Variants in TRANK1 observed in about 807,000 individuals in gnomAD.
TRANK1 encodes tetratricopeptide repeat and ankyrin repeat containing 1, also known as TPR and ankyrin repeat-containing protein 1.
In TRANK1, 198 loss-of-function variants were observed where a neutral mutation model predicts 266.0. The observed-to-expected ratio is 0.74, with a 90% confidence interval of 0.66 to 0.84. TRANK1 has a LOEUF of 0.84. TRANK1 is among the 40% of genes least tolerant of loss of function. TRANK1 has a pLI of 0.00. For missense variants in TRANK1, 3,326 were observed against 3,634.6 expected, an observed-to-expected ratio of 0.92 and a Z score of 2.18; for synonymous variants, 1,396 against 1,384.1, an observed-to-expected ratio of 1.01 and a Z score of -0.19.
chr3:36,829,236 A>G (rs2078664482), intron 23 of TRANK1, among the ~76,000 whole-genome samples: 1 of 152,210 alleles, frequency 6.6e-6, no homozygotes, highest in Admixed American at 6.5e-5. Flanking sequence ...ACATTTCTCA[A>G]GGGATAGCTT....
At chr3:36,880,666 CT>C in intron 8 of TRANK1, 1 of 174,894 alleles carries the variant, frequency 5.7e-6, no homozygotes. Context: ...AATTCTCCAA[CT>C]TTTTTACTCT....
In TRANK1 at chr3:36,856,025, G is replaced by A. The variant is rs750279557; in HGVS notation, c.3697C>T (p.Gln1233Ter). ...KPLDPNIHKL[Q>*]DLRDENFPLF... The stretch of plus-strand genomic sequence containing the variant: ...GGAAAGTTCTCGTCCCTCAGGTCCT[G>A]GAGTTTGTGAATGTTGGGGTCCAGT... The change falls in exon 13 of 24, where the codon CAG becomes TAG. Residue 1233 changes from glutamine (Q) to a stop codon, truncating the protein, a stop_gained. Coordinates refer to ENST00000645898, the MANE Select transcript of TRANK1 (RefSeq NM_001329998.2). LOFTEE classifies it high-confidence loss of function. 10 of 1,613,672 alleles carry A rather than the reference G, an allele frequency of 6.2e-6. No individual in the cohort carries two copies. Among genetic ancestry groups the A allele is most frequent in the African/African-American group, 1.3e-5 (1 of 74,844 alleles).
chr3:36,840,592 G>A (rs1044680882), intron 18 of TRANK1, among the ~76,000 whole-genome samples: 3 of 152,304 alleles, frequency 2.0e-5, no homozygotes, highest in Admixed American at 6.5e-5. Flanking sequence ...CAGCAGAAGC[G>A]GCACTGGGCC....
intron 5 of TRANK1, among the ~76,000 whole-genome samples, chr3:36,894,257 A>T (rs2079754966): frequency 6.6e-6 from 1 of 152,010 alleles, no homozygotes; most frequent in Admixed American, 6.6e-5. Context: ...ATTCATATCC[A>T]CCCCACACTG....
At chr3:36,900,032 C>T (rs1157329110) in intron 3 of TRANK1, among the ~76,000 whole-genome samples, 3 of 152,134 alleles carry the variant, frequency 2.0e-5, no homozygotes, top group Middle Eastern at 3.2e-3. Context: ...GATAATTTTT[C>T]CATTTTTTGT....
At chr3:36,844,469 C>T (rs9863798) in intron 17 of TRANK1, among the ~76,000 whole-genome samples, 54,648 of 151,988 alleles carry the variant, frequency 0.36, 10,232 homozygotes, top group African/African-American at 0.42. Flanking sequence ...TCAGGTGATC[C>T]GCCCACCTTG....
chr3:36,882,421 C>T (rs1383113452), intron 8 of TRANK1, among the ~76,000 whole-genome samples: 2 of 152,070 alleles, frequency 1.3e-5, no homozygotes, highest in Admixed American at 6.5e-5. Context: ...GAGGTTAAGA[C>T]AGACTTTTAA....
chr3:36,918,590 GGAAGGAAGGAAGGAAGGAAAGAAA>G (rs2080167796), intron 1 of TRANK1, among the ~76,000 whole-genome samples: 2 of 70,828 alleles, frequency 2.8e-5, no homozygotes, highest in African/African-American at 1.2e-4. Context: ...AAGGAAGGAA[GGAAGGAAGGAAGGAAGGAAAGAAA>G]GAAAGAAAGA....
chr3:36,914,995 A>G (rs999503180), intron 1 of TRANK1, among the ~76,000 whole-genome samples: 3 of 151,664 alleles, frequency 2.0e-5, no homozygotes, highest in Non-Finnish European at 4.4e-5. Context: ...TCTGTCACCC[A>G]GGCTGGAGTG....
At chr3:36,899,387 G>C in intron 3 of TRANK1, 128 bp from the exon 4 acceptor site, 1 of 1,007,074 alleles carries the variant, frequency 9.9e-7, no homozygotes, top group Non-Finnish European at 1.4e-6. Context: ...GGGCACAGTG[G>C]CTCATGCCTG....
At chr3:36,859,480 C>T (rs1009798264) in intron 11 of TRANK1, among the ~76,000 whole-genome samples, 5 of 152,078 alleles carry the variant, frequency 3.3e-5, no homozygotes, top group Admixed American at 2.0e-4. Context: ...CATGTGTTTT[C>T]ATTGTTCAAC....
Position 36,855,388 on chromosome 3 carries a change from G to A in TRANK1, c.4334C>T (p.Ala1445Val). ...GCATTTCATCAGCAGCGCCAGCTCG[G>A]CCTGGGTAAAGTCTTGAATCTCATC... ...YGDEIQDFTQAELALLMKCIN... is the reference protein window; with the variant it reads ...YGDEIQDFTQVELALLMKCIN... Residue 1445 changes from alanine (A) to valine (V), a missense_variant, in exon 13 of 24, where the codon GCC becomes GTC. Physicochemically the swap from Ala to Val is moderately conservative, Grantham distance 64. Coordinates refer to ENST00000645898, the MANE Select transcript of TRANK1 (RefSeq NM_001329998.2). 1.2e-6 allele frequency: 2 copies of A among 1,614,070 alleles called. No individual in the cohort carries two copies. The highest frequency in any genetic ancestry group is 1.7e-6 in the Non-Finnish European group (2 of 1,179,898).
chr3:36,831,458 T>C lies in TRANK1; in HGVS notation c.8125A>G (p.Ile2709Val), dbSNP rs1402355248. The change falls in exon 22 of 24, where the codon ATT (isoleucine) becomes GTT (valine). Residue 2709 changes from isoleucine to valine, a missense_variant. Ile to Val is a conservative substitution (Grantham distance 29). Transcript: ENST00000645898. The surrounding 1 kb of genome is among the most constrained non-coding windows in gnomAD (Gnocchi z 5.0). The part of the protein sequence containing the change: ...LEDRDHVLAT[I>V]LSQKQRKASI... ...GCCTTCCGTTGCTTTTGGGAAAGAA[T>C]GGTGGCCAGGACGTGGTCTCGGTCT... is the stretch of plus-strand genomic sequence containing the variant. 6.2e-7 allele frequency: 1 copy of C among 1,613,198 alleles called. No individual in the cohort carries two copies. The highest frequency in any genetic ancestry group is 8.5e-7 in the Non-Finnish European group (1 of 1,179,578).
At chr3:36,889,105 C>T (rs1404651596) in intron 8 of TRANK1, among the ~76,000 whole-genome samples, 1 of 152,158 alleles carries the variant, frequency 6.6e-6, no homozygotes, top group Non-Finnish European at 1.5e-5. Context: ...CAGCCTGGTT[C>T]CTATGATCAG....
chr3:36,840,764 A>G (rs1164656716), intron 18 of TRANK1, among the ~76,000 whole-genome samples: 1 of 152,222 alleles, frequency 6.6e-6, no homozygotes, highest in Non-Finnish European at 1.5e-5. Flanking sequence ...CCCTGAGCCA[A>G]GAGCCAGCCA....
At chr3:36,939,260 T>TACACAC (rs10623771) in intron 1 of TRANK1, among the ~76,000 whole-genome samples, 7,513 of 139,848 alleles carry the variant, frequency 0.054, 283 homozygotes, top group African/African-American at 0.11. Context: ...CATTCTAACA[T>TACACAC]ACACACACAC....
intron 9 of TRANK1, among the ~76,000 whole-genome samples, chr3:36,866,026 A>AAG (rs1174930935): frequency 2.4e-3 from 359 of 149,626 alleles, no homozygotes; most frequent in African/African-American, 8.5e-3. Context: ...GACAGAAAGA[A>AAG]AGAGAGAGAG....
chr3:36,889,591 C>G (rs1328180571), intron 8 of TRANK1, among the ~76,000 whole-genome samples: 1 of 152,172 alleles, frequency 6.6e-6, no homozygotes, highest in Non-Finnish European at 1.5e-5. Flanking sequence ...CCCACAGAAG[C>G]CATTTCAAGG....
intron 5 of TRANK1, among the ~76,000 whole-genome samples, chr3:36,894,846 G>T (rs1041064068): frequency 6.6e-6 from 1 of 152,124 alleles, no homozygotes; most frequent in African/African-American, 2.4e-5. Context: ...AACCAAATTC[G>T]TAGCTTGGCC....
Sources: gnomAD v4.1 joint callset for allele counts (sites outside exome capture counted in the v4.1 genomes callset) on GRCh38, gnomAD v4.1.1 for gene constraint, Gnocchi (gnomAD v3.1) non-coding constraint, MANE v1.5 for transcripts, NCBI Gene and HGNC (gene_info 2026-07-23, HGNC 2026-07-21) for gene names.